Variants in MPZL3 observed in about 807,000 individuals in gnomAD.
The protein encoded by MPZL3 is myelin protein zero like 3.
MPZL3 carries 23 observed loss-of-function variants against 24.8 expected under a neutral mutation model. That is an observed-to-expected ratio of 0.93 (90% CI 0.67 to 1.31). MPZL3 has a LOEUF of 1.31. Ranked by LOEUF, MPZL3 falls within the 40% of genes most tolerant of loss-of-function variation. The pLI is 0.00. For missense variants in MPZL3, 277 were observed against 294.9 expected (o/e 0.94, Z 0.44); for synonymous variants, 99 against 106.5 (o/e 0.93, Z 0.44).
intron 4 of MPZL3, among the ~76,000 whole-genome samples, chr11:118,234,172 C>G (rs1949390267): frequency 6.6e-6 from 1 of 152,178 alleles, no homozygotes; most frequent in Admixed American, 6.5e-5. Context: ...AAAGTCTGAG[C>G]ATTGTGCTAG....
intron 2 of MPZL3, 66 bp downstream of exon 2, chr11:118,240,145 T>C (rs1423177615): frequency 3.5e-6 from 5 of 1,440,530 alleles, no homozygotes; most frequent in Non-Finnish European, 4.6e-6. Context: ...GGCATGCCTA[T>C]GATTTGCAGT....
intron 1 of MPZL3, among the ~76,000 whole-genome samples, chr11:118,243,667 G>A (rs1280616540): frequency 6.6e-6 from 1 of 151,902 alleles, no homozygotes; most frequent in Non-Finnish European, 1.5e-5. Flanking sequence ...AGCTACTCAG[G>A]AGGCTGAGGC....
intron 1 of MPZL3, among the ~76,000 whole-genome samples, chr11:118,243,349 C>T (rs1253514382): frequency 6.6e-6 from 1 of 152,198 alleles, no homozygotes; most frequent in Non-Finnish European, 1.5e-5. Flanking sequence ...GGCCCAGGCA[C>T]ACACATTCCT....
At chr11:118,239,177 T>C (rs2134704508) in intron 2 of MPZL3, among the ~76,000 whole-genome samples, 1 of 152,270 alleles carries the variant, frequency 6.6e-6, no homozygotes, top group Non-Finnish European at 1.5e-5. Flanking sequence ...TCCTACTTTT[T>C]ACCAAGGAGG....
At position 118,226,846 on chromosome 11, in the gene MPZL3, T is replaced by G. The variant is rs1949277827; in HGVS notation, c.*3048A>C. The G allele has an allele frequency of 3.9e-5, 6 of 152,172 alleles. No homozygotes were observed. The highest frequency in any genetic ancestry group is 3.3e-4 in the Admixed American group (5 of 15,268). 9.4% of individuals were successfully genotyped at this position (152,172 alleles called of 1,614,324 possible). On this transcript the variant is annotated 3_prime_UTR_variant, in exon 6 of 6. Coordinates refer to ENST00000278949, the MANE Select transcript of MPZL3 (RefSeq NM_198275.3). ...GGTGCAGCAGTTAACAGCCCAACACTGGAGTCAAAGGAATGGAGCTGCCTC... is the reference window on the plus strand; with the variant it reads ...GGTGCAGCAGTTAACAGCCCAACACGGGAGTCAAAGGAATGGAGCTGCCTC...
intron 1 of MPZL3, among the ~76,000 whole-genome samples, chr11:118,244,554 C>T (rs969691826): frequency 1.3e-5 from 2 of 151,958 alleles, no homozygotes; most frequent in Non-Finnish European, 2.9e-5. Context: ...AGGTCCTGCA[C>T]CAGGAAGGAG....
chr11:118,235,687 T>G, intron 3 of MPZL3, 98 bp from the exon 4 acceptor site: 2 of 1,222,224 alleles, frequency 1.6e-6, no homozygotes, highest in Non-Finnish European at 2.3e-6. Context: ...ATATTTCTTC[T>G]GATTACAAAA....
chr11:118,247,865 T>C (rs1348897404), intron 1 of MPZL3, among the ~76,000 whole-genome samples: 1 of 152,136 alleles, frequency 6.6e-6, no homozygotes, highest in Non-Finnish European at 1.5e-5. Context: ...CCAGGAAATC[T>C]TTCCTTTATT....
rs772446803 is a variant in MPZL3, at chr11:118,252,323, CT to C, written c.-30del. 1.9e-6 allele frequency: 3 copies of C among 1,608,820 alleles called. No homozygotes were observed. Among genetic ancestry groups the C allele is most frequent in the South Asian group, 2.2e-5 (2 of 90,970 alleles). On this transcript the variant is annotated 5_prime_UTR_variant, in exon 1 of 6. Transcript: ENST00000278949. The stretch of plus-strand genomic sequence containing the variant: ...GGCAGCTCTTCAGATGCTTGCACAC[CT>C]TGTTTACAGCTCCCGGTAACGACAC...
chr11:118,235,307 A>G (rs1428322799), intron 4 of MPZL3, 117 bp downstream of exon 4: 4 of 1,255,068 alleles, frequency 3.2e-6, no homozygotes, highest in African/African-American at 3.0e-5. Context: ...CTTTGAAAAG[A>G]AAGTTCACCA....
rs1266310672 is a variant in MPZL3, at chr11:118,228,648, C to T, written c.*1246G>A. 2 of 152,088 alleles carry T rather than the reference C, an allele frequency of 1.3e-5. No individual in the cohort carries two copies. The highest frequency in any genetic ancestry group is 2.9e-5 in the Non-Finnish European group (2 of 68,010). 9.4% of individuals were successfully genotyped at this position (152,088 alleles called of 1,614,324 possible). A position where few individuals can be genotyped will look rare whatever the true frequency, so the allele number is the denominator to read the frequency against. On this transcript the variant is annotated 3_prime_UTR_variant, in exon 6 of 6. Transcript: ENST00000278949. ...ATTATGTAAAAACCACTTGCAAATA[C>T]CATAGTTTACTCACAGTTGGCACAT...
chr11:118,245,330 A>G (rs1452908943), intron 1 of MPZL3, among the ~76,000 whole-genome samples: 1 of 152,218 alleles, frequency 6.6e-6, no homozygotes, highest in Non-Finnish European at 1.5e-5. Flanking sequence ...CAATAGAGCA[A>G]GACTTCATCT....
At chr11:118,250,265 T>G (rs1202219129) in intron 1 of MPZL3, among the ~76,000 whole-genome samples, 1 of 146,040 alleles carries the variant, frequency 6.8e-6, no homozygotes, top group Non-Finnish European at 1.5e-5. Flanking sequence ...CCTCAAATGA[T>G]CCACCCACCT....
At chr11:118,235,872 ATATAT>A (rs1383724201) in intron 3 of MPZL3, among the ~76,000 whole-genome samples, 1 of 152,198 alleles carries the variant, frequency 6.6e-6, no homozygotes, top group Non-Finnish European at 1.5e-5. Flanking sequence ...AGTATGGATC[ATATAT>A]TATATATTAT....
chr11:118,241,209 G>A (rs1364972032), intron 1 of MPZL3, among the ~76,000 whole-genome samples: 1 of 152,286 alleles, frequency 6.6e-6, no homozygotes, highest in Non-Finnish European at 1.5e-5. Context: ...CCCTACAGGG[G>A]CATATTTTAG....
intron 3 of MPZL3, 51 bp from the exon 4 acceptor site, chr11:118,235,640 C>T (rs966980112): frequency 1.3e-6 from 2 of 1,573,756 alleles, no homozygotes; most frequent in African/African-American, 2.7e-5. Context: ...AAATATGCCT[C>T]CTGCGACATG....
intron 1 of MPZL3, among the ~76,000 whole-genome samples, chr11:118,251,700 G>T (rs1715459): frequency 0.09 from 13,709 of 152,094 alleles, 2,052 homozygotes; most frequent in African/African-American, 0.31. Context: ...TCATCGATAT[G>T]CTTCTCTATA....
chr11:118,245,496 G>A (rs1329756121), intron 1 of MPZL3, among the ~76,000 whole-genome samples: 2 of 152,196 alleles, frequency 1.3e-5, no homozygotes, highest in East Asian at 1.9e-4. Context: ...TCAGGTTTCC[G>A]ACTTGCTGAT....
At chr11:118,230,973 C>T (rs911725089) in intron 5 of MPZL3, among the ~76,000 whole-genome samples, 1 of 152,192 alleles carries the variant, frequency 6.6e-6, no homozygotes, top group Non-Finnish European at 1.5e-5. Context: ...TTCATTTTCT[C>T]CCATCTTAAA....
Sources: gnomAD v4.1 joint callset for allele counts (sites outside exome capture counted in the v4.1 genomes callset) on GRCh38, gnomAD v4.1.1 for gene constraint, MANE v1.5 for transcripts, NCBI Gene and HGNC (gene_info 2026-07-23, HGNC 2026-07-21) for gene names.